Variants in DENND5B observed in about 807,000 individuals in gnomAD.
The protein encoded by DENND5B is DENN domain containing 5B, also known as DENN domain-containing protein 5B.
A neutral mutation model predicts 140.6 loss-of-function variants in DENND5B; 34 were observed. The observed-to-expected ratio is 0.24, with a 90% CI of 0.18 to 0.32. The LOEUF (loss-of-function observed/expected upper bound fraction) is 0.32. Among genes scored for constraint, DENND5B ranks in the 10% least tolerant of loss-of-function variants. The pLI is 1.00. For missense variants in DENND5B, 1,142 were observed against 1,560.2 expected, an observed-to-expected ratio of 0.73 and a Z score of 4.52; for synonymous variants, 551 against 562.1, an observed-to-expected ratio of 0.98 and a Z score of 0.28.
intron 7 of DENND5B, among the ~76,000 whole-genome samples, chr12:31,438,179 C>A (rs924260875): frequency 6.6e-6 from 1 of 152,138 alleles, no homozygotes. Flanking sequence ...TCCACCATCT[C>A]GGCCAGGCTG....
In DENND5B at chr12:31,442,837, A is replaced by C; in HGVS notation, c.1950T>G (p.Tyr650Ter). The C allele has an allele frequency of 6.2e-7, 1 of 1,613,602 alleles. No individual in the cohort carries two copies. The highest frequency in any genetic ancestry group is 8.5e-7 in the Non-Finnish European group (1 of 1,179,780). The change falls in exon 7 of 21, where the codon TAT becomes TAG. Residue 650 changes from tyrosine (Y) to a stop codon, truncating the protein, a stop_gained. Transcript: ENST00000389082. LOFTEE classifies it high-confidence loss of function. ...GTAACTTTGGAAAGAACCCCTGCTC[A>C]TATTTGCCTTGACCAATTTTCATAT... ...LLDMKIGQGK[Y>*]EQGFFPKLQS... is the part of the protein sequence containing the mutation.
rs1206066269 is a variant in DENND5B, at chr12:31,385,226, T to A, written c.*2377A>T. 1 of 152,192 alleles carries A rather than the reference T, an allele frequency of 6.6e-6. No individual in the cohort carries two copies. The highest frequency in any genetic ancestry group is 1.5e-5 in the Non-Finnish European group (1 of 68,032). The allele number at this position is 152,192 out of a possible 1,614,324, so 9.4% of individuals were successfully genotyped here. ...AGATCCAATAGTATAATAGAAAGACTATTAGTAAGAATGCCGGAAGGTCAG... is the reference window on the plus strand; with the variant it reads ...AGATCCAATAGTATAATAGAAAGACAATTAGTAAGAATGCCGGAAGGTCAG... On this transcript the variant is annotated 3_prime_UTR_variant, in exon 21 of 21. Transcript: ENST00000389082.
At chr12:31,512,089 G>T (rs1421447931) in intron 1 of DENND5B, among the ~76,000 whole-genome samples, 1 of 150,924 alleles carries the variant, frequency 6.6e-6, no homozygotes, top group Non-Finnish European at 1.5e-5. Context: ...GCTAATTTTT[G>T]TATTTTTAGT....
At position 31,387,447 on chromosome 12, in the gene DENND5B, T is replaced by C. The variant is rs192444389; in HGVS notation, c.*156A>G. 6.0e-6 allele frequency: 4 copies of C among 665,508 alleles called. No homozygotes were observed. Among genetic ancestry groups the C allele is most frequent in the East Asian group, 5.6e-5 (2 of 35,486 alleles). The allele number at this position is 665,508 out of a possible 1,614,324, so 41.2% of individuals were successfully genotyped here. A position where few individuals can be genotyped will look rare whatever the true frequency, so the allele number is the denominator to read the frequency against. On this transcript the variant is annotated 3_prime_UTR_variant, in exon 21 of 21. Transcript: ENST00000389082. Reference sequence around the variant, plus strand: ...AATTCCAGGTTCAAATGAACTACAATACAACATTTTGCCTTGTCTGTAGAG... The same window carrying C: ...AATTCCAGGTTCAAATGAACTACAACACAACATTTTGCCTTGTCTGTAGAG...
At chr12:31,579,972 T>TA (rs11305555) in intron 1 of DENND5B, among the ~76,000 whole-genome samples, 1 of 149,588 alleles carries the variant, frequency 6.7e-6, no homozygotes, top group African/African-American at 2.5e-5. Flanking sequence ...AAAATATATA[T>TA]AAAAAAATAT....
chr12:31,571,310 GC>G (rs1363035336), intron 1 of DENND5B, among the ~76,000 whole-genome samples: 2 of 152,274 alleles, frequency 1.3e-5, no homozygotes, highest in East Asian at 3.9e-4. Context: ...TCACTGAGTT[GC>G]CTCTTCTGCT....
chr12:31,452,704 T>C (rs1944590066), intron 4 of DENND5B, among the ~76,000 whole-genome samples: 1 of 152,156 alleles, frequency 6.6e-6, no homozygotes, highest in Non-Finnish European at 1.5e-5. Context: ...AACAAAAGCA[T>C]AGATTATGGT....
At chr12:31,395,943 A>C (rs12816488) in intron 17 of DENND5B, among the ~76,000 whole-genome samples, 1 of 14,106 alleles carries the variant, frequency 7.1e-5, no homozygotes, top group East Asian at 5.9e-3. Flanking sequence ...TCACTGGGCC[A>C]AAAAAAAAAA....
chr12:31,547,874 T>C (rs1459062897), intron 1 of DENND5B, among the ~76,000 whole-genome samples: 6 of 151,998 alleles, frequency 3.9e-5, no homozygotes, highest in Non-Finnish European at 8.8e-5. Context: ...CTGGTTACTT[T>C]TTTGTATTTT....
intron 7 of DENND5B, among the ~76,000 whole-genome samples, chr12:31,441,099 T>G (rs1255915381): frequency 2.0e-5 from 3 of 151,726 alleles, no homozygotes; most frequent in Non-Finnish European, 2.9e-5. Flanking sequence ...TCCCAGCACT[T>G]TGGGAGGCCA....
At chr12:31,421,862 T>A (rs1943040854) in intron 11 of DENND5B, among the ~76,000 whole-genome samples, 1 of 152,096 alleles carries the variant, frequency 6.6e-6, no homozygotes, top group African/African-American at 2.4e-5. Context: ...CTCATTACTA[T>A]TTTTTTAACA....
intron 17 of DENND5B, among the ~76,000 whole-genome samples, chr12:31,397,462 C>T (rs1423822772): frequency 2.3e-5 from 3 of 131,704 alleles, no homozygotes; most frequent in Non-Finnish European, 4.6e-5. Flanking sequence ...GCAGGAGAAT[C>T]GTTTGAACCC....
chr12:31,553,014 G>C (rs1385516797), intron 1 of DENND5B, among the ~76,000 whole-genome samples: 1 of 151,912 alleles, frequency 6.6e-6, no homozygotes, highest in Non-Finnish European at 1.5e-5. Context: ...AAAAAACCAG[G>C]TCCTGGATTC....
At chr12:31,404,989 A>T (rs972102544) in intron 14 of DENND5B, among the ~76,000 whole-genome samples, 3 of 151,598 alleles carry the variant, frequency 2.0e-5, no homozygotes, top group Non-Finnish European at 2.9e-5. Context: ...CGAACTCCTG[A>T]CCTCAGGTGA....
chr12:31,434,228 ACT>A (rs888090480), intron 7 of DENND5B, among the ~76,000 whole-genome samples: 2 of 151,988 alleles, frequency 1.3e-5, no homozygotes, highest in African/African-American at 4.8e-5. Flanking sequence ...GGCCTATAAA[ACT>A]CTTAAATATA....
At chr12:31,499,368 T>C (rs1204710416) in intron 1 of DENND5B, among the ~76,000 whole-genome samples, 1 of 152,204 alleles carries the variant, frequency 6.6e-6, no homozygotes, top group Admixed American at 6.5e-5. Context: ...CCTTTCCTCC[T>C]AAGAAAGTAG....
intron 1 of DENND5B, among the ~76,000 whole-genome samples, chr12:31,505,687 T>G (rs1033934325): frequency 6.6e-6 from 1 of 152,074 alleles, no homozygotes; most frequent in Non-Finnish European, 1.5e-5. Flanking sequence ...TCAGCAAACT[T>G]GAAGGTCTAG....
intron 14 of DENND5B, among the ~76,000 whole-genome samples, chr12:31,406,026 T>C (rs111614080): frequency 0.017 from 2,530 of 151,718 alleles, 73 homozygotes; most frequent in African/African-American, 0.058. Context: ...TTTGTACTTT[T>C]AGTAGAGACA....
At chr12:31,521,189 T>C (rs1347844512) in intron 1 of DENND5B, among the ~76,000 whole-genome samples, 2 of 151,822 alleles carry the variant, frequency 1.3e-5, no homozygotes, top group African/African-American at 2.4e-5. Context: ...AAAATAGGCG[T>C]CAAAAACAAT....
Sources: allele counts gnomAD v4.1 joint callset (sites outside exome capture counted in the v4.1 genomes callset), GRCh38; gene constraint gnomAD v4.1.1; transcripts MANE v1.5; gene names NCBI Gene and HGNC (gene_info 2026-07-23, HGNC 2026-07-21).